The following DYRK1A variants were observed in gnomAD, a reference collection of about 807,000 sequenced individuals.
The protein encoded by DYRK1A is dual specificity tyrosine phosphorylation regulated kinase 1A.
DYRK1A carries 9 observed loss-of-function variants against 79.7 expected under a neutral mutation model. The ratio of observed to expected loss-of-function variants is 0.11; its 90% confidence interval spans 0.07 to 0.20. The LOEUF is 0.20. DYRK1A is among the 10% of genes least tolerant of loss of function. The probability of loss-of-function intolerance (pLI) is 1.00; values close to 1 mark genes in which losing one functional copy is unlikely to be tolerated. For synonymous variants in DYRK1A, 349 were observed against 329.7 expected, an observed-to-expected ratio of 1.06 and a Z score of -0.63; for missense variants, 622 against 956.0, an observed-to-expected ratio of 0.65 and a Z score of 4.61.
intron 9 of DYRK1A, among the ~76,000 whole-genome samples, chr21:37,497,778 G>A (rs2053317477): frequency 1.3e-5 from 2 of 152,024 alleles, no homozygotes; most frequent in South Asian, 2.1e-4. Context: ...TATTTGGGGT[G>A]GGGGCATTTC....
At position 37,516,162 on chromosome 21, in the gene DYRK1A, T is replaced by C. The variant is rs2053878708; in HGVS notation, c.*3631T>C. 6.6e-6 allele frequency: 1 copy of C among 152,246 alleles called. No individual in the cohort carries two copies. The highest frequency in any genetic ancestry group is 1.5e-5 in the Non-Finnish European group (1 of 68,036). 9.4% of individuals were successfully genotyped at this position (152,246 alleles called of 1,614,324 possible). On this transcript the variant is annotated 3_prime_UTR_variant, in exon 12 of 12. Coordinates refer to ENST00000647188, the MANE Select transcript of DYRK1A (RefSeq NM_001347721.2). ...AGAATACAAGTTCAAGACTCATTTT[T>C]ATGTCCATTTTTATAGTGGTAGACT... is the stretch of plus-strand genomic sequence containing the variant.
chr21:37,452,444 T>C (rs1218099564), intron 2 of DYRK1A, among the ~76,000 whole-genome samples: 1 of 152,152 alleles, frequency 6.6e-6, no homozygotes, highest in Non-Finnish European at 1.5e-5. Flanking sequence ...AGATGCCGTT[T>C]ATAGAACTGG....
At chr21:37,426,708 A>T (rs2050628936) in intron 2 of DYRK1A, among the ~76,000 whole-genome samples, 1 of 150,996 alleles carries the variant, frequency 6.6e-6, no homozygotes, top group Non-Finnish European at 1.5e-5. Flanking sequence ...CAGGAGATCG[A>T]GACCATCCTG....
Position 37,490,344 on chromosome 21 carries a change from T to C in DYRK1A, c.807T>C (p.Thr269=). Reference sequence around the variant, plus strand: ...GCACTGCACTGCTTTTCCTTGCGACTCCAGAACTTAGTATCATTCACTGTG... The same window carrying C: ...GCACTGCACTGCTTTTCCTTGCGACCCCAGAACTTAGTATCATTCACTGTG... ...QMCTALLFLA[T]PELSIIHCDL... The change falls in exon 7 of 12, where the codon ACT becomes ACC. Residue 269 remains threonine (T), a synonymous_variant. Transcript: ENST00000647188. 2 of 1,613,788 alleles carry C rather than the reference T, an allele frequency of 1.2e-6. No homozygotes were observed. Among genetic ancestry groups the C allele is most frequent in the Non-Finnish European group, 1.7e-6 (2 of 1,179,772 alleles).
chr21:37,436,528 T>C (rs1380951455), intron 2 of DYRK1A, among the ~76,000 whole-genome samples: 1 of 152,204 alleles, frequency 6.6e-6, no homozygotes, highest in Non-Finnish European at 1.5e-5. Context: ...AGGACTCTTT[T>C]GCCTTCTTTT....
chr21:37,389,057 T>TTC, intron 1 of DYRK1A, among the ~76,000 whole-genome samples: 1 of 151,822 alleles, frequency 6.6e-6, no homozygotes. Flanking sequence ...AAATTTTTTT[T>TTC]TTAAGAGATG....
chr21:37,392,724 G>C (rs1207297243), intron 1 of DYRK1A, among the ~76,000 whole-genome samples: 1 of 152,206 alleles, frequency 6.6e-6, no homozygotes, highest in Non-Finnish European at 1.5e-5. Flanking sequence ...CCAGTATTCA[G>C]ACTGGTCATA....
chr21:37,446,844 T>C (rs1001069624), intron 2 of DYRK1A, among the ~76,000 whole-genome samples: 1 of 152,202 alleles, frequency 6.6e-6, no homozygotes, highest in African/African-American at 2.4e-5. Flanking sequence ...GCGCCCCACC[T>C]TGTGGCGGTG....
intron 2 of DYRK1A, among the ~76,000 whole-genome samples, chr21:37,465,401 A>C (rs1182892754): frequency 6.6e-6 from 1 of 152,178 alleles, no homozygotes; most frequent in African/African-American, 2.4e-5. Flanking sequence ...GGGAAAAAAA[A>C]CCCTCTAGTG....
intron 1 of DYRK1A, among the ~76,000 whole-genome samples, chr21:37,407,047 GA>G (rs2050161618): frequency 6.6e-6 from 1 of 150,882 alleles, no homozygotes; most frequent in African/African-American, 2.4e-5. Context: ...TTTTCTTCTG[GA>G]CATTTTCCTT....
chr21:37,436,809 G>A (rs2050937978), intron 2 of DYRK1A, among the ~76,000 whole-genome samples: 1 of 152,154 alleles, frequency 6.6e-6, no homozygotes, highest in Admixed American at 6.5e-5. Context: ...TTACAGAAAT[G>A]CTTTATTCAA....
chr21:37,468,489 G>C (rs1033224538), intron 2 of DYRK1A, among the ~76,000 whole-genome samples: 3 of 152,152 alleles, frequency 2.0e-5, no homozygotes, highest in Non-Finnish European at 2.9e-5. Context: ...GTAGTGTCCA[G>C]TTCTTGAACA....
chr21:37,368,824 G>A (rs2049371168), intron 1 of DYRK1A, among the ~76,000 whole-genome samples: 1 of 152,150 alleles, frequency 6.6e-6, no homozygotes, highest in African/African-American at 2.4e-5. Flanking sequence ...GCAAATTTTG[G>A]AGTGATTCGT....
At chr21:37,424,684 T>C (rs1422306772) in intron 2 of DYRK1A, among the ~76,000 whole-genome samples, 2 of 152,236 alleles carry the variant, frequency 1.3e-5, no homozygotes, top group Non-Finnish European at 2.9e-5. Context: ...ACAGTATGCT[T>C]ATTTCCTAGT....
At chr21:37,398,931 A>G (rs2050007208) in intron 1 of DYRK1A, among the ~76,000 whole-genome samples, 2 of 150,020 alleles carry the variant, frequency 1.3e-5, no homozygotes, top group African/African-American at 2.5e-5. Context: ...TTTAAACCGC[A>G]GAGAGAACAG....
intron 1 of DYRK1A, among the ~76,000 whole-genome samples, chr21:37,383,195 A>G (rs893120706): frequency 6.6e-6 from 1 of 152,076 alleles, no homozygotes; most frequent in Non-Finnish European, 1.5e-5. Flanking sequence ...TCAAGGAGGG[A>G]TGGGGATGGG....
chr21:37,446,647 C>T (rs571733491), intron 2 of DYRK1A, among the ~76,000 whole-genome samples: 34 of 151,558 alleles, frequency 2.2e-4, no homozygotes, highest in African/African-American at 8.2e-4. Flanking sequence ...TGTTACCTCA[C>T]GTGAACCTCA....
In DYRK1A at chr21:37,513,773, T is replaced by C. The variant is rs2053827729; in HGVS notation, c.*1242T>C. The C allele has an allele frequency of 6.5e-6, 1 of 152,706 alleles. No individual in the cohort carries two copies. The highest frequency in any genetic ancestry group is 2.1e-4 in the South Asian group (1 of 4,838). The allele number at this position is 152,706 out of a possible 1,614,324, so 9.5% of individuals were successfully genotyped here. On this transcript the variant is annotated 3_prime_UTR_variant, in exon 12 of 12. Transcript: ENST00000647188. ...TGACTGCTTTTTTGCCTCACAATTA[T>C]GCTGTGAATTTTACAAAAATTTATT...
intron 2 of DYRK1A, among the ~76,000 whole-genome samples, chr21:37,443,086 A>C (rs2051156977): frequency 6.6e-6 from 1 of 152,062 alleles, no homozygotes. Flanking sequence ...GGCCTCTCAA[A>C]GTGCTGAGAT....
Sources: gnomAD v4.1 joint callset for allele counts (sites outside exome capture counted in the v4.1 genomes callset) on GRCh38, gnomAD v4.1.1 for gene constraint, MANE v1.5 for transcripts, NCBI Gene and HGNC (gene_info 2026-07-23, HGNC 2026-07-21) for gene names.